The following MAPK10 variants were observed in gnomAD, a reference collection of about 807,000 sequenced individuals.
The protein encoded by MAPK10 is mitogen-activated protein kinase 10.
MAPK10 carries 25 observed loss-of-function variants against 59.3 expected under a neutral mutation model. The ratio of observed to expected loss-of-function variants is 0.42; its 90% CI spans 0.31 to 0.59. MAPK10 has a LOEUF of 0.59. Ranked by LOEUF, MAPK10 falls within the 20% of genes least tolerant of loss-of-function variation. MAPK10 has a pLI of 0.15. For missense variants in MAPK10, 351 were observed against 568.9 expected (o/e 0.62, Z 3.90); for synonymous variants, 190 against 200.5 (o/e 0.95, Z 0.44).
In MAPK10 at chr4:86,202,484, T is replaced by C. The variant is rs2082858899; in HGVS notation, c.-6-8077A>G. ...TGGTATATAGATAATGTTGAGAAAA[T>C]GTTTACTGAATGAAAGAAGAACCCA... On this transcript the variant is annotated intron_variant, in intron 2 of 13. Transcript: ENST00000641462. Among the ~76,000 whole-genome samples the C allele has an allele frequency of 2.0e-5, 3 of 151,952 alleles. No individual in the cohort carries two copies. In the South Asian group the frequency reaches 6.2e-4, roughly 31 times the overall value.
intron 1 of MAPK10, among the ~76,000 whole-genome samples, chr4:86,442,266 T>C (rs995425218): frequency 6.6e-6 from 1 of 152,222 alleles, no homozygotes; most frequent in Non-Finnish European, 1.5e-5. Flanking sequence ...ATTATTTCAA[T>C]ATTTCAATCT....
At chr4:86,427,554 T>C (rs899566021) in intron 1 of MAPK10, among the ~76,000 whole-genome samples, 3 of 152,128 alleles carry the variant, frequency 2.0e-5, no homozygotes, top group African/African-American at 7.2e-5. Flanking sequence ...CCACATCAGG[T>C]GCCCAATGAA....
chr4:86,553,594 G>A (rs1224336040), intron 1 of MAPK10, among the ~76,000 whole-genome samples: 1 of 152,122 alleles, frequency 6.6e-6, no homozygotes, highest in Non-Finnish European at 1.5e-5. Flanking sequence ...TGTCCCCAAG[G>A]GGGAACAAAA....
chr4:86,097,790 A>T (rs2054526933), intron 9 of MAPK10, among the ~76,000 whole-genome samples: 1 of 152,100 alleles, frequency 6.6e-6, no homozygotes, highest in Non-Finnish European at 1.5e-5. Context: ...GATAATTCCA[A>T]ATCATAGATA....
At chr4:86,457,142 T>A (rs1751307648), upstream of MAPK10, among the ~76,000 whole-genome samples, 1 of 152,162 alleles carries the variant, frequency 6.6e-6, no homozygotes, top group East Asian at 1.9e-4. Context: ...AAAATTGGCA[T>A]ACAAAGGACA....
At chr4:86,384,874 C>T (rs1458053650) in intron 1 of MAPK10, among the ~76,000 whole-genome samples, 1 of 151,942 alleles carries the variant, frequency 6.6e-6, no homozygotes, top group Non-Finnish European at 1.5e-5. Flanking sequence ...CAACTTTCAT[C>T]TAAACTAGAG....
intron 2 of MAPK10, among the ~76,000 whole-genome samples, chr4:86,310,244 G>A (rs1327689225): frequency 6.6e-6 from 1 of 152,038 alleles, no homozygotes; most frequent in African/African-American, 2.4e-5. Flanking sequence ...ACCAAGCCGT[G>A]CCCCGACCAC....
intron 1 of MAPK10, among the ~76,000 whole-genome samples, chr4:86,429,372 C>T (rs900917306): frequency 6.6e-6 from 1 of 152,092 alleles, no homozygotes; most frequent in Non-Finnish European, 1.5e-5. Flanking sequence ...ACATGAAAAA[C>T]ATTACATAAA....
intron 1 of MAPK10, among the ~76,000 whole-genome samples, chr4:86,446,512 A>G (rs191761544): frequency 5.3e-4 from 80 of 152,206 alleles, no homozygotes; most frequent in African/African-American, 1.8e-3. Flanking sequence ...TGACACACAT[A>G]GCCCCAGTAA....
intron 9 of MAPK10, among the ~76,000 whole-genome samples, chr4:86,071,230 A>G (rs1281554552): frequency 3.3e-5 from 5 of 151,716 alleles, no homozygotes; most frequent in East Asian, 1.9e-4. Context: ...CCCACTTTTT[A>G]ATGGGGTTGT....
chr4:86,434,021 A>G (rs1748387317), intron 1 of MAPK10, among the ~76,000 whole-genome samples: 1 of 152,232 alleles, frequency 6.6e-6, no homozygotes, highest in Admixed American at 6.5e-5. Context: ...TATGTGACTC[A>G]GAATATAGAG....
At chr4:86,406,776 G>T (rs140928494) in intron 1 of MAPK10, among the ~76,000 whole-genome samples, 2 of 152,166 alleles carry the variant, frequency 1.3e-5, no homozygotes, top group East Asian at 1.9e-4. Context: ...CAGGAGAACC[G>T]CCTTAATTAC....
chr4:86,037,300 C>T (rs1170107568), intron 11 of MAPK10, among the ~76,000 whole-genome samples: 1 of 152,132 alleles, frequency 6.6e-6, no homozygotes, highest in Admixed American at 6.5e-5. Flanking sequence ...GTGGGCAGAT[C>T]ACGAGGTCAG....
At chr4:86,558,240 C>G (rs1696357679) in intron 1 of MAPK10, among the ~76,000 whole-genome samples, 1 of 152,130 alleles carries the variant, frequency 6.6e-6, no homozygotes, top group Admixed American at 6.5e-5. Context: ...ATTTAAGTCA[C>G]ATAAATTCAA....
chr4:86,077,295 A>G (rs987275918), intron 9 of MAPK10, among the ~76,000 whole-genome samples: 1 of 152,216 alleles, frequency 6.6e-6, no homozygotes, highest in African/African-American at 2.4e-5. Flanking sequence ...TTAGCTAATA[A>G]CTTATATTTC....
chr4:86,227,395 G>A (rs1245187680), intron 2 of MAPK10, among the ~76,000 whole-genome samples: 1 of 150,910 alleles, frequency 6.6e-6, no homozygotes, highest in Non-Finnish European at 1.5e-5. Flanking sequence ...GCTGAGGCAG[G>A]AGAATGGCGT....
At position 86,489,465 on chromosome 4, in the gene MAPK10, T is replaced by A. The variant is rs1032054514; in HGVS notation, c.-263+104445A>T. 3.2e-4 allele frequency among the ~76,000 whole-genome samples: 49 copies of A among 152,254 alleles called. No homozygotes were observed. In the Middle Eastern group the frequency reaches 0.014, roughly 42 times the overall value. On this transcript the variant is annotated intron_variant, in intron 1 of 4. Coordinates refer to the MAPK10 transcript ENST00000502302. ...ACCTCAAAATCCTTGACTAAACTGA[T>A]AAACTAATATGAATTAGTGATGTAA...
chr4:86,526,354 G>A (rs778836965), intron 1 of MAPK10, among the ~76,000 whole-genome samples: 5 of 152,060 alleles, frequency 3.3e-5, no homozygotes, highest in East Asian at 1.9e-4. Context: ...TAGCTTGTGC[G>A]CCTAGAGGTG....
chr4:86,524,700 C>G (rs1757344289), intron 1 of MAPK10, among the ~76,000 whole-genome samples: 1 of 152,172 alleles, frequency 6.6e-6, no homozygotes. Context: ...TTTACACTCT[C>G]TCTCCCCTTT....
Sources: allele counts gnomAD v4.1 joint callset (sites outside exome capture counted in the v4.1 genomes callset), GRCh38; gene constraint gnomAD v4.1.1; transcripts MANE v1.5; gene names NCBI Gene and HGNC (gene_info 2026-07-23, HGNC 2026-07-21).